CTDSPL: variants seen among roughly 807,000 people sequenced by gnomAD.
CTDSPL encodes CTD small phosphatase-like protein.
In CTDSPL, 8 loss-of-function variants were observed where a neutral mutation model predicts 30.5. That is an observed-to-expected ratio of 0.26 (90% CI 0.15 to 0.47). CTDSPL has a LOEUF of 0.47. Ranked by LOEUF, CTDSPL falls within the 20% of genes least tolerant of loss-of-function variation. The probability of loss-of-function intolerance (pLI) is 0.99; values close to 1 mark genes in which losing one functional copy is unlikely to be tolerated. For missense variants in CTDSPL, 248 were observed against 366.1 expected (o/e 0.68, Z 2.63); for synonymous variants, 110 against 137.9 (o/e 0.80, Z 1.42).
intron 1 of CTDSPL, among the ~76,000 whole-genome samples, chr3:37,923,798 T>G (rs187368349): frequency 9.8e-4 from 149 of 152,204 alleles, no homozygotes; most frequent in African/African-American, 3.5e-3. Flanking sequence ...TCTCTGTTTT[T>G]TTTTTTTAAT....
rs1699002547 is a variant in CTDSPL at position 37,943,541 on chromosome 3, G to T, written c.80-3516G>T. 2.0e-5 allele frequency among the ~76,000 whole-genome samples: 3 copies of T among 150,366 alleles called. 1 individual carries two copies. Among genetic ancestry groups the T allele is most frequent in the South Asian group, 4.3e-4 (2 of 4,672 alleles). On this transcript the variant is annotated intron_variant, in intron 1 of 7. Coordinates refer to ENST00000273179, the MANE Select transcript of CTDSPL (RefSeq NM_001008392.2). ...ATTTTTAAAAATGAAAATCGTTACG[G>T]AATATTTTAGACTGACGTTCATAGT...
At chr3:37,966,975 G>T (rs1699305830) in intron 4 of CTDSPL, among the ~76,000 whole-genome samples, 1 of 152,216 alleles carries the variant, frequency 6.6e-6, no homozygotes, top group Non-Finnish European at 1.5e-5. Context: ...AGAACTGTGT[G>T]TAAGTTCATC....
At chr3:37,882,979 G>T (rs1698224518) in intron 1 of CTDSPL, among the ~76,000 whole-genome samples, 2 of 152,130 alleles carry the variant, frequency 1.3e-5, no homozygotes, top group Non-Finnish European at 2.9e-5. Context: ...AGCCACAAAT[G>T]GTTTAACATG....
intron 1 of CTDSPL, among the ~76,000 whole-genome samples, chr3:37,934,826 C>A (rs926630899): frequency 6.6e-6 from 1 of 152,246 alleles, no homozygotes; most frequent in East Asian, 1.9e-4. Context: ...TCTGTGTTTC[C>A]GTCCATATAG....
At chr3:37,941,519 A>C (rs1428029097) in intron 1 of CTDSPL, among the ~76,000 whole-genome samples, 1 of 147,420 alleles carries the variant, frequency 6.8e-6, no homozygotes, top group Non-Finnish European at 1.5e-5. Context: ...CCTCCTGAGT[A>C]GCTGGGATTA....
At chr3:37,960,683 T>C (rs1325408802) in intron 3 of CTDSPL, among the ~76,000 whole-genome samples, 1 of 150,716 alleles carries the variant, frequency 6.6e-6, no homozygotes, top group African/African-American at 2.4e-5. Flanking sequence ...TGAGCCAGGA[T>C]GGCACCACTG....
At chr3:37,900,556 T>C (rs1049554533) in intron 1 of CTDSPL, among the ~76,000 whole-genome samples, 4 of 152,204 alleles carry the variant, frequency 2.6e-5, no homozygotes, top group Admixed American at 2.6e-4. Flanking sequence ...AAAGGAACTG[T>C]AGAAATCTTA....
chr3:37,866,173 A>G (rs1343926660), intron 1 of CTDSPL, among the ~76,000 whole-genome samples: 3 of 152,262 alleles, frequency 2.0e-5, no homozygotes, highest in Non-Finnish European at 4.4e-5. Flanking sequence ...TGGTTAGGCT[A>G]TGATACATCA....
rs1247267369 is a variant in CTDSPL, at chr3:37,982,904, C to T, written c.*2037C>T. On this transcript the variant is annotated 3_prime_UTR_variant, in exon 8 of 8. Transcript: ENST00000273179. ...CACAGAATTAGGCCCTAATGAGAGC[C>T]TTAGACCCTCAACCATGCCCCCTTC... 1.1e-5 allele frequency: 3 copies of T among 275,990 alleles called. No homozygotes were observed. The East Asian group carries it at 2.8e-4, about 26-fold the overall frequency. The allele number at this position is 275,990 out of a possible 1,614,324, so 17.1% of individuals were successfully genotyped here.
At chr3:37,942,319 A>G (rs1698987806) in intron 1 of CTDSPL, among the ~76,000 whole-genome samples, 1 of 150,424 alleles carries the variant, frequency 6.6e-6, no homozygotes, top group South Asian at 2.1e-4. Flanking sequence ...ATGAAGCGAA[A>G]GCTTTTATGA....
chr3:37,920,587 G>A (rs1575298684), intron 1 of CTDSPL, among the ~76,000 whole-genome samples: 2 of 152,202 alleles, frequency 1.3e-5, no homozygotes. Flanking sequence ...GCATGTGAGA[G>A]TTTCCTGCTC....
chr3:37,970,999 A>G (rs1313504208), intron 5 of CTDSPL, among the ~76,000 whole-genome samples: 2 of 152,160 alleles, frequency 1.3e-5, no homozygotes, highest in South Asian at 2.1e-4. Flanking sequence ...CTGGGCCTGG[A>G]CCTCTGAAAG....
chr3:37,975,096 G>A lies in CTDSPL; in HGVS notation c.520-613G>A, dbSNP rs537356331. Among the ~76,000 whole-genome samples, 18 of 152,344 alleles carry A rather than the reference G, an allele frequency of 1.2e-4. No homozygotes were observed. The highest frequency in any genetic ancestry group is 4.3e-4 in the African/African-American group (18 of 41,574). On this transcript the variant is annotated intron_variant, in intron 6 of 7. Transcript: ENST00000273179. This position sits in a 1 kb window ranked among gnomAD's most constrained non-coding sequence, Gnocchi z 4.9. ...GAGGAAGTCAAGACCTGAAAAACCA[G>A]GAGACAGATGTTCTGCAAAGAGCTG...
At chr3:37,889,446 C>T (rs1363340712) in intron 1 of CTDSPL, among the ~76,000 whole-genome samples, 1 of 151,720 alleles carries the variant, frequency 6.6e-6, no homozygotes, top group African/African-American at 2.4e-5. Flanking sequence ...CGGCGGTTTC[C>T]AAAAGGTAGA....
Position 37,964,557 on chromosome 3 carries a change from T to A in CTDSPL, c.268-14T>A. The A allele has an allele frequency of 6.3e-7, 1 of 1,582,100 alleles. No homozygotes were observed. Among genetic ancestry groups the A allele is most frequent in the South Asian group, 1.1e-5 (1 of 90,262 alleles). ...TTTACATAAATGTAATACTGATTTA[T>A]TTTTCCCCTTTAGCCACCAGCTAAG... On this transcript the variant is annotated splice_polypyrimidine_tract_variant and intron_variant, in intron 3 of 7. Coordinates refer to ENST00000273179, the MANE Select transcript of CTDSPL (RefSeq NM_001008392.2).
At chr3:37,924,424 T>C (rs1382977017) in intron 1 of CTDSPL, among the ~76,000 whole-genome samples, 1 of 152,248 alleles carries the variant, frequency 6.6e-6, no homozygotes, top group African/African-American at 2.4e-5. Flanking sequence ...GCTTTTACTT[T>C]TACTGGGAGA....
intron 1 of CTDSPL, among the ~76,000 whole-genome samples, chr3:37,923,164 C>T (rs982694954): frequency 9.2e-5 from 14 of 152,060 alleles, no homozygotes; most frequent in Admixed American, 2.0e-4. Flanking sequence ...GGGACAGTGG[C>T]GTGGGACAGG....
intron 1 of CTDSPL, among the ~76,000 whole-genome samples, chr3:37,938,780 A>C (rs1341251749): frequency 1.3e-5 from 2 of 148,792 alleles, no homozygotes; most frequent in Non-Finnish European, 3.0e-5. Context: ...TCCTGGGTTC[A>C]AACGATTCTC....
At chr3:37,926,733 A>G (rs1425057596) in intron 1 of CTDSPL, among the ~76,000 whole-genome samples, 2 of 152,212 alleles carry the variant, frequency 1.3e-5, no homozygotes, top group Admixed American at 6.5e-5. Context: ...TTGTCCATAG[A>G]TAAGTATAAG....
Sources: gnomAD v4.1 joint callset for allele counts (sites outside exome capture counted in the v4.1 genomes callset) on GRCh38, gnomAD v4.1.1 for gene constraint, Gnocchi (gnomAD v3.1) non-coding constraint, MANE v1.5 for transcripts, NCBI Gene and HGNC (gene_info 2026-07-23, HGNC 2026-07-21) for gene names.